The following PCDH15 variants were observed in gnomAD, a reference collection of about 807,000 sequenced individuals.
PCDH15 encodes protocadherin-15.
A neutral mutation model predicts 178.5 loss-of-function variants in PCDH15; 129 were observed. The observed-to-expected ratio is 0.72, with a 90% confidence interval of 0.63 to 0.84. The LOEUF (loss-of-function observed/expected upper bound fraction) is 0.84, where lower values mean the gene tolerates loss of function less well. Ranked by LOEUF, PCDH15 falls within the 40% of genes least tolerant of loss-of-function variation. PCDH15 has a pLI of 0.00. For synonymous variants in PCDH15, 800 were observed against 732.0 expected, an observed-to-expected ratio of 1.09 and a Z score of -1.50; for missense variants, 2,230 against 2,099.9, an observed-to-expected ratio of 1.06 and a Z score of -1.21.
intron 3 of PCDH15, among the ~76,000 whole-genome samples, chr10:54,426,357 CT>C (rs1376267602): frequency 6.6e-6 from 1 of 152,164 alleles, no homozygotes; most frequent in African/African-American, 2.4e-5. Flanking sequence ...AAGCATTACA[CT>C]CTCATAAGGA....
intron 8 of PCDH15, among the ~76,000 whole-genome samples, chr10:54,273,841 A>C (rs2058188585): frequency 6.6e-6 from 1 of 152,040 alleles, no homozygotes. Context: ...TCCCTCTGGA[A>C]CACCCTTTTA....
At chr10:54,776,341 C>T (rs1221190386) in intron 1 of PCDH15, among the ~76,000 whole-genome samples, 2 of 151,924 alleles carry the variant, frequency 1.3e-5, no homozygotes, top group Non-Finnish European at 2.9e-5. Flanking sequence ...ATTCATCAAA[C>T]TGGTTGATAA....
At chr10:55,056,478 T>C in intron 2 of PCDH15, among the ~76,000 whole-genome samples, 1 of 152,092 alleles carries the variant, frequency 6.6e-6, no homozygotes, top group East Asian at 1.9e-4. Flanking sequence ...TAACTTGCAA[T>C]TTAAGTAGGT....
At chr10:54,154,741 A>T (rs1470021596) in intron 13 of PCDH15, among the ~76,000 whole-genome samples, 1 of 152,196 alleles carries the variant, frequency 6.6e-6, no homozygotes, top group Non-Finnish European at 1.5e-5. Context: ...TGAGAATGAA[A>T]AAGGAAATGA....
At chr10:55,502,529 G>A (rs1565201889) in intron 2 of PCDH15, among the ~76,000 whole-genome samples, 1 of 151,636 alleles carries the variant, frequency 6.6e-6, no homozygotes, top group South Asian at 2.1e-4. Context: ...GTCTTATTGC[G>A]CAGTGATAAA....
At chr10:55,390,497 T>C (rs577444643) in intron 2 of PCDH15, among the ~76,000 whole-genome samples, 74 of 152,318 alleles carry the variant, frequency 4.9e-4, no homozygotes, top group African/African-American at 1.7e-3. Context: ...TCTTTCAAAA[T>C]TGGAGTCAAG....
intron 1 of PCDH15, among the ~76,000 whole-genome samples, chr10:55,186,950 T>C (rs1839815596): frequency 6.6e-6 from 1 of 151,894 alleles, no homozygotes; most frequent in South Asian, 2.1e-4. Context: ...AAAATGAAAA[T>C]AAAAATTCTC....
chr10:53,831,524 A>G lies in PCDH15; in HGVS notation c.3993T>C (p.Asp1331=). 6.2e-7 allele frequency: 1 copy of G among 1,612,278 alleles called. No individual in the cohort carries two copies. Among genetic ancestry groups the G allele is most frequent in the Non-Finnish European group, 8.5e-7 (1 of 1,178,430 alleles). Residue 1331 remains aspartate (D), a synonymous_variant, in exon 30 of 38, where the codon GAT becomes GAC. Transcript: ENST00000644397. ...CTTTATTGATATCAAGTAGTTTGCC[A>G]TCCAAAAATCTTTATTGTTAGATAA... ...IDRNELFKFL[D]GKLLDINKDF... is the part of the protein sequence containing the mutation.
At chr10:55,289,600 T>C (rs1323406509) in intron 1 of PCDH15, among the ~76,000 whole-genome samples, 3 of 152,084 alleles carry the variant, frequency 2.0e-5, no homozygotes, top group African/African-American at 7.2e-5. Flanking sequence ...TGGCATCTTA[T>C]GGACCCCTAA....
At chr10:55,397,453 A>G (rs1837957027) in intron 2 of PCDH15, among the ~76,000 whole-genome samples, 1 of 152,136 alleles carries the variant, frequency 6.6e-6, no homozygotes, top group South Asian at 2.1e-4. Context: ...CTTTATCATC[A>G]TACTGTTTTG....
At chr10:53,888,291 C>CATATATATATATATATAT (rs71004489) in intron 26 of PCDH15, among the ~76,000 whole-genome samples, 1 of 48,824 alleles carries the variant, frequency 2.0e-5, no homozygotes, top group Admixed American at 3.0e-4. Flanking sequence ...ACTATATATA[C>CATATATATATATATATAT]ATATATATAT....
intron 2 of PCDH15, among the ~76,000 whole-genome samples, chr10:55,076,544 A>T (rs1407492253): frequency 6.6e-6 from 1 of 151,580 alleles, no homozygotes; most frequent in Non-Finnish European, 1.5e-5. Context: ...CTCTGCCTTC[A>T]AATGGTTCTT....
intron 1 of PCDH15, among the ~76,000 whole-genome samples, chr10:54,694,951 C>T (rs1349443677): frequency 6.6e-6 from 1 of 150,864 alleles, no homozygotes; most frequent in East Asian, 2.0e-4. Context: ...ACCAAACAGC[C>T]AACTTGTGAA....
chr10:54,948,252 G>A (rs779518014), intron 2 of PCDH15, among the ~76,000 whole-genome samples: 7 of 152,060 alleles, frequency 4.6e-5, no homozygotes, highest in Non-Finnish European at 1.0e-4. Flanking sequence ...CCTAAAAAGA[G>A]CCATTATTTC....
At chr10:54,220,201 ATACT>A (rs976247632) in intron 9 of PCDH15, among the ~76,000 whole-genome samples, 44 of 152,226 alleles carry the variant, frequency 2.9e-4, no homozygotes, top group African/African-American at 1.0e-3. Context: ...CCAGAGAGTA[ATACT>A]TACTAGCTGT....
chr10:53,822,659 G>T (rs372738632), intron 32 of PCDH15: 1 of 1,614,092 alleles, frequency 6.2e-7, no homozygotes, highest in Non-Finnish European at 8.5e-7. Flanking sequence ...GAGAACTGAT[G>T]ACATTAGGTT....
chr10:53,981,369 G>A (rs1020981639), intron 21 of PCDH15, among the ~76,000 whole-genome samples: 2 of 152,148 alleles, frequency 1.3e-5, no homozygotes, highest in African/African-American at 4.8e-5. Flanking sequence ...TTTCAAACTT[G>A]AAAACTTAGG....
intron 2 of PCDH15, among the ~76,000 whole-genome samples, chr10:55,579,827 GT>G (rs937105135): frequency 6.6e-6 from 1 of 151,716 alleles, no homozygotes; most frequent in East Asian, 1.9e-4. Flanking sequence ...TGTTTGTTAT[GT>G]TTTTTATTTG....
At chr10:54,378,735 A>G in intron 4 of PCDH15, 47 bp downstream of exon 4, 1 of 1,579,654 alleles carries the variant, frequency 6.3e-7, no homozygotes, top group Non-Finnish European at 8.7e-7. Flanking sequence ...AGACATTTAA[A>G]TTATAATAAA....
Sources: allele counts gnomAD v4.1 joint callset (sites outside exome capture counted in the v4.1 genomes callset), GRCh38; gene constraint gnomAD v4.1.1; transcripts MANE v1.5; gene names NCBI Gene and HGNC (gene_info 2026-07-23, HGNC 2026-07-21).